PIEZO2: variants seen among roughly 807,000 people sequenced by gnomAD.
The protein encoded by PIEZO2 is piezo type mechanosensitive ion channel component 2, also known as piezo-type mechanosensitive ion channel component 2.
Under a neutral mutation model 337.3 loss-of-function variants are expected in PIEZO2, and 172 were observed. The observed-to-expected ratio is 0.51, with a 90% CI of 0.45 to 0.58. The LOEUF (loss-of-function observed/expected upper bound fraction) is 0.58, where lower values mean the gene tolerates loss of function less well. PIEZO2 is among the 20% of genes least tolerant of loss of function. The pLI is 0.00. For missense variants in PIEZO2, 3,028 were observed against 3,391.3 expected, an observed-to-expected ratio of 0.89 and a Z score of 2.66; for synonymous variants, 1,251 against 1,228.5, an observed-to-expected ratio of 1.02 and a Z score of -0.38.
intron 1 of PIEZO2, among the ~76,000 whole-genome samples, chr18:11,081,724 G>A (rs939730435): frequency 1.3e-5 from 2 of 151,424 alleles, no homozygotes; most frequent in East Asian, 1.9e-4. Flanking sequence ...TTTCCCACTG[G>A]CCATTTGAAA....
chr18:10,762,122 T>A (rs191530109), intron 23 of PIEZO2, among the ~76,000 whole-genome samples: 1 of 152,374 alleles, frequency 6.6e-6, no homozygotes, highest in East Asian at 1.9e-4. Flanking sequence ...AATATTTTTC[T>A]TTGTGTCTAG....
chr18:10,695,233 C>T (rs1233241558), intron 47 of PIEZO2, among the ~76,000 whole-genome samples: 2 of 152,190 alleles, frequency 1.3e-5, no homozygotes, highest in African/African-American at 2.4e-5. Context: ...GGGAGACAGT[C>T]TATAGAGAAG....
intron 4 of PIEZO2, chr18:10,908,748 A>G (rs1162993906): frequency 6.6e-6 from 1 of 152,214 alleles, no homozygotes. Flanking sequence ...CCCATACTAT[A>G]AGTACTGAAA....
rs547509063 is a variant in PIEZO2 at position 11,006,492 on chromosome 18, A to C, written c.161-26832T>G. On this transcript the variant is annotated intron_variant, in intron 2 of 55. Transcript: ENST00000674853. Reference sequence around the variant, plus strand: ...AGGCTGAAGGAAGCAGAACATTAGTATATGGCAAAGAAGGGAACAAGCACT... The same window carrying C: ...AGGCTGAAGGAAGCAGAACATTAGTCTATGGCAAAGAAGGGAACAAGCACT... 1.1e-3 allele frequency among the ~76,000 whole-genome samples: 169 copies of C among 152,314 alleles called. 2 individuals carry two copies. Among genetic ancestry groups the C allele is most frequent in the African/African-American group, 3.9e-3 (163 of 41,570 alleles).
chr18:10,930,005 C>T (rs183842931), intron 3 of PIEZO2, among the ~76,000 whole-genome samples: 31 of 152,240 alleles, frequency 2.0e-4, no homozygotes, highest in African/African-American at 7.2e-4. Flanking sequence ...AACAGAGATC[C>T]TAAGACTGAC....
rs1443251296 is a variant in PIEZO2 at position 10,872,313 on chromosome 18, G to A, written c.330-898C>T. 3.9e-5 allele frequency among the ~76,000 whole-genome samples: 6 copies of A among 152,136 alleles called. No individual in the cohort carries two copies. Among genetic ancestry groups the A allele is most frequent in the African/African-American group, 1.2e-4 (5 of 41,430 alleles). The stretch of plus-strand genomic sequence containing the variant: ...TTTAATAATATAGCAGGCAGCAAAG[G>A]CCAGAAGGTGAAGTGGAGAGTAGAA... On this transcript the variant is annotated intron_variant, in intron 4 of 55. Transcript: ENST00000674853. The surrounding 1 kb of genome is among the most constrained non-coding windows in gnomAD (Gnocchi z 4.3).
At chr18:10,900,901 G>A (rs970865956) in intron 4 of PIEZO2, among the ~76,000 whole-genome samples, 7 of 152,124 alleles carry the variant, frequency 4.6e-5, no homozygotes. Flanking sequence ...AAGATTCAGA[G>A]TTTTCCCTGG....
chr18:10,671,797 T>C lies in PIEZO2; in HGVS notation c.8346-18A>G, dbSNP rs1476070940. On this transcript the variant is annotated intron_variant, in intron 55 of 55. Transcript: ENST00000674853. ...CCATAATACTGAAAAAAACAGTAAG[T>C]AGAAATTGCATACAGCAGTTAAATA... 2.5e-6 allele frequency: 4 copies of C among 1,589,730 alleles called. No individual in the cohort carries two copies. The South Asian group carries it at 3.4e-5, about 14-fold the overall frequency.
Position 10,846,134 on chromosome 18 carries a change from A to C in PIEZO2, c.917+9219T>G, listed in dbSNP as rs1000027424. Among the ~76,000 whole-genome samples the C allele has an allele frequency of 4.6e-5, 7 of 152,242 alleles. No homozygotes were observed. In the East Asian group the frequency reaches 1.3e-3, roughly 29 times the overall value. The stretch of plus-strand genomic sequence containing the variant: ...CACACTGCTGAAAGTGACATACCCA[A>C]GACTTGGCAATTTACAAAAGAATGA... On this transcript the variant is annotated intron_variant, in intron 7 of 55. Coordinates refer to ENST00000674853, the MANE Select transcript of PIEZO2 (RefSeq NM_001378183.1). The surrounding 1 kb of genome is among the most constrained non-coding windows in gnomAD (Gnocchi z 4.1).
Position 10,803,996 on chromosome 18 carries a change from T to C in PIEZO2, c.1081-2A>G. The stretch of plus-strand genomic sequence containing the variant: ...TTCTTTGGTCCCCTCATCCTGCACC[T>C]GAAACACAGAAACAGGATCAGTCTT... On this transcript the variant is annotated splice_acceptor_variant, in intron 8 of 55. Coordinates refer to ENST00000674853, the MANE Select transcript of PIEZO2 (RefSeq NM_001378183.1). LOFTEE classifies it high-confidence loss of function. 6.5e-7 allele frequency: 1 copy of C among 1,537,278 alleles called. No individual in the cohort carries two copies. The highest frequency in any genetic ancestry group is 2.4e-5 in the East Asian group (1 of 40,920).
Position 10,764,815 on chromosome 18 carries a change from C to A in PIEZO2, c.2947-1717G>T, listed in dbSNP as rs555550564. 5.9e-5 allele frequency among the ~76,000 whole-genome samples: 9 copies of A among 152,266 alleles called. No individual in the cohort carries two copies. In the East Asian group the frequency reaches 1.5e-3, roughly 26 times the overall value. Reference sequence around the variant, plus strand: ...AAATACTGTACATGGAAAGGCCCTGCAAACCATAACTCACTCATAAACATG... The same window carrying A: ...AAATACTGTACATGGAAAGGCCCTGAAAACCATAACTCACTCATAAACATG... On this transcript the variant is annotated intron_variant, in intron 21 of 55. Transcript: ENST00000674853.
chr18:11,071,039 C>CAAAATGCAATAATTTTATTGCAATA (rs555023588), intron 1 of PIEZO2, among the ~76,000 whole-genome samples: 34 of 152,152 alleles, frequency 2.2e-4, no homozygotes, highest in African/African-American at 7.5e-4. Flanking sequence ...AGGAAAGAAG[C>CAAAATGCAATAATTTTATTGCAATA]AAAATGCAAT....
At chr18:10,768,052 G>T (rs1299026302) in intron 21 of PIEZO2, among the ~76,000 whole-genome samples, 2 of 152,152 alleles carry the variant, frequency 1.3e-5, no homozygotes, top group African/African-American at 4.8e-5. Context: ...GGAATAAAGA[G>T]CCTCTGTACA....
chr18:11,142,964 A>G lies in PIEZO2; in HGVS notation c.64+5561T>C, dbSNP rs372313996. On this transcript the variant is annotated intron_variant, in intron 1 of 55. Coordinates refer to ENST00000674853, the MANE Select transcript of PIEZO2 (RefSeq NM_001378183.1). Reference sequence around the variant, plus strand: ...TGTGGTGGCACGCACCTGTAGCCCCAGCTACTCGGGTGGCTGAGACAGGAG... The same window carrying G: ...TGTGGTGGCACGCACCTGTAGCCCCGGCTACTCGGGTGGCTGAGACAGGAG... Among the ~76,000 whole-genome samples the G allele has an allele frequency of 1.6e-3, 251 of 152,242 alleles. 1 individual carries two copies. The highest frequency in any genetic ancestry group is 5.4e-3 in the African/African-American group (225 of 41,530).
Position 10,903,844 on chromosome 18 carries a change from T to G in PIEZO2, c.329+7342A>C, listed in dbSNP as rs2043110532. On this transcript the variant is annotated intron_variant, in intron 4 of 55. Coordinates refer to ENST00000674853, the MANE Select transcript of PIEZO2 (RefSeq NM_001378183.1). The surrounding 1 kb of genome is among the most constrained non-coding windows in gnomAD (Gnocchi z 4.1). ...ATTCTTCAAAACTCTGCCCAGATGTTCCCTGAAGTTAAGCTTTCACAGACA... is the reference window on the plus strand; with the variant it reads ...ATTCTTCAAAACTCTGCCCAGATGTGCCCTGAAGTTAAGCTTTCACAGACA... Among the ~76,000 whole-genome samples the G allele has an allele frequency of 6.6e-6, 1 of 152,128 alleles. No homozygotes were observed. Among genetic ancestry groups the G allele is most frequent in the Non-Finnish European group, 1.5e-5 (1 of 68,030 alleles).
chr18:10,706,669 A>G (rs966030876), intron 40 of PIEZO2, among the ~76,000 whole-genome samples: 21 of 151,846 alleles, frequency 1.4e-4, no homozygotes, highest in Admixed American at 1.3e-3. Flanking sequence ...GTTCCTTTAA[A>G]CTTTCCCTGT....
chr18:11,119,469 A>G (rs2039976368), intron 1 of PIEZO2, among the ~76,000 whole-genome samples: 1 of 152,212 alleles, frequency 6.6e-6, no homozygotes, highest in South Asian at 2.1e-4. Context: ...AATAAAACCA[A>G]GTTATGGCTT....
At chr18:10,698,006 T>TA in intron 44 of PIEZO2, 126 bp from the exon 45 acceptor site, 1 of 884,890 alleles carries the variant, frequency 1.1e-6, no homozygotes, top group Non-Finnish European at 1.7e-6. Flanking sequence ...GGAGGATGAG[T>TA]ATGCACGGCC....
At position 10,773,620 on chromosome 18, in the gene PIEZO2, G is replaced by C; in HGVS notation, c.2577C>G (p.His859Gln). Residue 859 changes from histidine (H) to glutamine (Q), a missense_variant, in exon 20 of 56, where the codon CAC becomes CAG. His to Gln is a conservative substitution (Grantham distance 24, BLOSUM62 0). Coordinates refer to ENST00000674853, the MANE Select transcript of PIEZO2 (RefSeq NM_001378183.1). This position sits in a 1 kb window ranked among gnomAD's most constrained non-coding sequence, Gnocchi z 5.3. ...TGAGGTCCGGGAGGCTTCCTTCCGG[G>C]TGGGCCAGTCTGTTGGCAGAGAGCA... ...KLPIHQNELA[H>Q]PEGSLPDLTM... The C allele has an allele frequency of 6.5e-7, 1 of 1,537,260 alleles. No individual in the cohort carries two copies. Among genetic ancestry groups the C allele is most frequent in the Non-Finnish European group, 8.7e-7 (1 of 1,146,912 alleles).
Sources: allele counts gnomAD v4.1 joint callset (sites outside exome capture counted in the v4.1 genomes callset), GRCh38; gene constraint gnomAD v4.1.1; non-coding constraint Gnocchi (gnomAD v3.1); transcripts MANE v1.5; gene names NCBI Gene and HGNC (gene_info 2026-07-23, HGNC 2026-07-21).